The following DPYSL2 variants were observed in gnomAD, a reference collection of about 807,000 sequenced individuals.
DPYSL2 encodes the protein dihydropyrimidinase like 2.
In DPYSL2, 13 loss-of-function variants were observed where a neutral mutation model predicts 69.9. The ratio of observed to expected loss-of-function variants is 0.19; its 90% CI spans 0.12 to 0.30. DPYSL2 has a LOEUF of 0.30. Among genes scored for constraint, DPYSL2 ranks in the 10% least tolerant of loss-of-function variants. The pLI is 1.00. For missense variants in DPYSL2, 587 were observed against 918.9 expected (o/e 0.64, Z 4.67); for synonymous variants, 326 against 359.1 (o/e 0.91, Z 1.04).
In DPYSL2 at chr8:26,514,989, G is replaced by T. The variant is rs187168563; in HGVS notation, c.354+310G>T. Reference sequence around the variant, plus strand: ...GGTCGTCTGGGAGGGGGTTGGCCGCGGTTCCATTCTTCTGAAACCCTCCCG... The same window carrying T: ...GGTCGTCTGGGAGGGGGTTGGCCGCTGTTCCATTCTTCTGAAACCCTCCCG... On this transcript the variant is annotated intron_variant, in intron 1 of 13. Transcript: ENST00000521913. This position sits in a 1 kb window ranked among gnomAD's most constrained non-coding sequence, Gnocchi z 8.4. Among the ~76,000 whole-genome samples, 2 of 152,216 alleles carry T rather than the reference G, an allele frequency of 1.3e-5. No homozygotes were observed. The highest frequency in any genetic ancestry group is 4.8e-5 in the African/African-American group (2 of 41,464).
At chr8:26,545,500 C>T (rs570939354) in intron 1 of DPYSL2, among the ~76,000 whole-genome samples, 2 of 152,296 alleles carry the variant, frequency 1.3e-5, no homozygotes, top group African/African-American at 4.8e-5. Flanking sequence ...CTTTGGGAAG[C>T]AGGTGGGCAG....
At chr8:26,554,371 T>TC (rs1800912526) in intron 1 of DPYSL2, among the ~76,000 whole-genome samples, 1 of 151,826 alleles carries the variant, frequency 6.6e-6, no homozygotes, top group Non-Finnish European at 1.5e-5. Flanking sequence ...TAATGGTTTT[T>TC]TTTTTTGTAA....
Position 26,656,983 on chromosome 8 carries a change from C to T in DPYSL2, c.*1277C>T, listed in dbSNP as rs1399335735. 2 of 152,170 alleles carry T rather than the reference C, an allele frequency of 1.3e-5. No individual in the cohort carries two copies. Among genetic ancestry groups the T allele is most frequent in the South Asian group, 2.1e-4 (1 of 4,824 alleles). The allele number at this position is 152,170 out of a possible 1,614,324, so 9.4% of individuals were successfully genotyped here. A position where few individuals can be genotyped will look rare whatever the true frequency, so the allele number is the denominator to read the frequency against. ...GTGCTAAGCTAATAGGAGTCTGACC[C>T]GAGGGCCTGCTGCTTCCTGGTTAAG... On this transcript the variant is annotated 3_prime_UTR_variant, in exon 14 of 14. Coordinates refer to ENST00000521913, the MANE Select transcript of DPYSL2 (RefSeq NM_001197293.3).
chr8:26,628,138 G>A (rs1802662092), intron 7 of DPYSL2, among the ~76,000 whole-genome samples, 198 bp downstream of exon 7: 1 of 152,230 alleles, frequency 6.6e-6, no homozygotes, highest in Non-Finnish European at 1.5e-5. Flanking sequence ...TGAGGGTAAG[G>A]TGGTGTGGAC....
At position 26,652,993 on chromosome 8, in the gene DPYSL2, G is replaced by A. The variant is rs2129998420; in HGVS notation, c.1777-239G>A. Among the ~76,000 whole-genome samples the A allele has an allele frequency of 6.6e-6, 1 of 152,292 alleles. No individual in the cohort carries two copies. Among genetic ancestry groups the A allele is most frequent in the Admixed American group, 6.5e-5 (1 of 15,296 alleles). ...TTCTTACAGGGTTTAAAGTTGAAGT[G>A]TCTTGGGGGAAAAATTGTAAGGTGT... On this transcript the variant is annotated intron_variant, in intron 12 of 13. Coordinates refer to ENST00000521913, the MANE Select transcript of DPYSL2 (RefSeq NM_001197293.3). The surrounding 1 kb of genome is among the most constrained non-coding windows in gnomAD (Gnocchi z 6.3).
rs1346815885 is a variant in DPYSL2 at position 26,656,861 on chromosome 8, T to G, written c.*1155T>G. 6.6e-6 allele frequency: 1 copy of G among 152,452 alleles called. No homozygotes were observed. The highest frequency in any genetic ancestry group is 1.9e-4 in the East Asian group (1 of 5,176). 9.4% of individuals were successfully genotyped at this position (152,452 alleles called of 1,614,324 possible). On this transcript the variant is annotated 3_prime_UTR_variant, in exon 14 of 14. Transcript: ENST00000521913. Reference sequence around the variant, plus strand: ...TATGAGGCTGCAGAACCGGAGAGATTTTCCTCTGTGCAGTGCTCTCTGGCT... The same window carrying G: ...TATGAGGCTGCAGAACCGGAGAGATGTTCCTCTGTGCAGTGCTCTCTGGCT...
At chr8:26,607,282 C>T (rs920035053) in intron 3 of DPYSL2, among the ~76,000 whole-genome samples, 2 of 150,752 alleles carry the variant, frequency 1.3e-5, no homozygotes, top group African/African-American at 4.9e-5. Context: ...ATCAGGAGTT[C>T]GAGACCAGCC....
rs1801779890 is a variant in DPYSL2, at chr8:26,593,143, C to T, written c.628+9160C>T. ...CTTTCTTTGAATATGACTAAGTGTT[C>T]CCCCTAATGACAGAGAGGATGTTGC... On this transcript the variant is annotated intron_variant, in intron 3 of 13. Coordinates refer to ENST00000521913, the MANE Select transcript of DPYSL2 (RefSeq NM_001197293.3). This position sits in a 1 kb window ranked among gnomAD's most constrained non-coding sequence, Gnocchi z 5.7. 1.3e-5 allele frequency among the ~76,000 whole-genome samples: 2 copies of T among 151,994 alleles called. No individual in the cohort carries two copies. Among genetic ancestry groups the T allele is most frequent in the African/African-American group, 4.8e-5 (2 of 41,378 alleles).
At position 26,652,243 on chromosome 8, in the gene DPYSL2, T is replaced by C; in HGVS notation, c.1597-14T>C. The C allele has an allele frequency of 1.9e-6, 3 of 1,608,150 alleles. No homozygotes were observed. The highest frequency in any genetic ancestry group is 2.5e-6 in the Non-Finnish European group (3 of 1,176,560). ...GAGTGGCCTGTTCTAGAGTTTACTTTGCCTTCTTCTCAGTCTCTCGAGTAC... is the reference window on the plus strand; with the variant it reads ...GAGTGGCCTGTTCTAGAGTTTACTTCGCCTTCTTCTCAGTCTCTCGAGTAC... On this transcript the variant is annotated splice_polypyrimidine_tract_variant and intron_variant, in intron 11 of 13. Coordinates refer to ENST00000521913, the MANE Select transcript of DPYSL2 (RefSeq NM_001197293.3). This position sits in a 1 kb window ranked among gnomAD's most constrained non-coding sequence, Gnocchi z 6.3.
intron 3 of DPYSL2, among the ~76,000 whole-genome samples, chr8:26,602,431 C>A (rs1422538836): frequency 6.6e-6 from 1 of 152,178 alleles, no homozygotes; most frequent in East Asian, 1.9e-4. Flanking sequence ...GATGTAACAG[C>A]GATGAGATGG....
In DPYSL2 at chr8:26,624,062, AG is replaced by A. The variant is rs1802560752; in HGVS notation, c.629-78del. 11 of 1,489,402 alleles carry A rather than the reference AG, an allele frequency of 7.4e-6. No individual in the cohort carries two copies. The highest frequency in any genetic ancestry group is 1.0e-5 in the Non-Finnish European group (11 of 1,086,254). The allele number at this position is 1,489,402 out of a possible 1,614,324, so 92.3% of individuals were successfully genotyped here. ...ATTTTGAACCCAAGAAGCCTTATTC[AG>A]GGTTCAAGTGGGAAAATACCTGCTG... On this transcript the variant is annotated intron_variant, in intron 3 of 13. Coordinates refer to ENST00000521913, the MANE Select transcript of DPYSL2 (RefSeq NM_001197293.3). This position sits in a 1 kb window ranked among gnomAD's most constrained non-coding sequence, Gnocchi z 4.7.
chr8:26,572,125 C>T (rs752075952), intron 1 of DPYSL2, among the ~76,000 whole-genome samples: 2 of 152,220 alleles, frequency 1.3e-5, no homozygotes, highest in African/African-American at 4.8e-5. Context: ...TCTGTTTTGT[C>T]AGCAGTTTCT....
At chr8:26,528,484 T>C (rs1355755882) in intron 1 of DPYSL2, among the ~76,000 whole-genome samples, 1 of 151,688 alleles carries the variant, frequency 6.6e-6, no homozygotes, top group African/African-American at 2.4e-5. Flanking sequence ...CCATCTCTAC[T>C]AAAATCACAA....
At chr8:26,618,628 C>T (rs566172405) in intron 3 of DPYSL2, among the ~76,000 whole-genome samples, 1 of 150,914 alleles carries the variant, frequency 6.6e-6, no homozygotes, top group Non-Finnish European at 1.5e-5. Flanking sequence ...TCATGCCTAT[C>T]TTTTTATAGA....
intron 1 of DPYSL2, among the ~76,000 whole-genome samples, chr8:26,579,195 G>T (rs1801428648): frequency 6.6e-6 from 1 of 152,254 alleles, no homozygotes; most frequent in African/African-American, 2.4e-5. Flanking sequence ...GCGGCCGGAG[G>T]GCTCGGCGCA....
Position 26,587,547 on chromosome 8 carries a change from T to C in DPYSL2, c.628+3564T>C, listed in dbSNP as rs915289719. ...GCATGTAGAGGAAAACACAGCCAAA[T>C]ATTCTCGGTTTAAAAAAGGAGATGG... On this transcript the variant is annotated intron_variant, in intron 3 of 13. Coordinates refer to ENST00000521913, the MANE Select transcript of DPYSL2 (RefSeq NM_001197293.3). The surrounding 1 kb of genome is among the most constrained non-coding windows in gnomAD (Gnocchi z 4.2). Among the ~76,000 whole-genome samples, 2 of 152,170 alleles carry C rather than the reference T, an allele frequency of 1.3e-5. No individual in the cohort carries two copies. Among genetic ancestry groups the C allele is most frequent in the African/African-American group, 4.8e-5 (2 of 41,430 alleles).
intron 1 of DPYSL2, among the ~76,000 whole-genome samples, chr8:26,521,462 G>T (rs758913426): frequency 1.5e-5 from 2 of 129,114 alleles, no homozygotes; most frequent in South Asian, 2.6e-4. Context: ...AAGCTATGCT[G>T]CCCATGGCTG....
intron 3 of DPYSL2, among the ~76,000 whole-genome samples, chr8:26,611,648 A>T (rs1802232295): frequency 6.6e-6 from 1 of 152,208 alleles, no homozygotes; most frequent in Non-Finnish European, 1.5e-5. Flanking sequence ...CAAGGATTTC[A>T]ACATCTCTTG....
At chr8:26,566,420 A>G (rs998628440) in intron 1 of DPYSL2, among the ~76,000 whole-genome samples, 1 of 152,256 alleles carries the variant, frequency 6.6e-6, no homozygotes, top group African/African-American at 2.4e-5. Flanking sequence ...TGCTGAGTAA[A>G]TGCTCAAAGA....
Sources: gnomAD v4.1 joint callset for allele counts (sites outside exome capture counted in the v4.1 genomes callset) on GRCh38, gnomAD v4.1.1 for gene constraint, Gnocchi (gnomAD v3.1) non-coding constraint, MANE v1.5 for transcripts, NCBI Gene and HGNC (gene_info 2026-07-23, HGNC 2026-07-21) for gene names.